The following KNL1 variants were observed in gnomAD, a reference collection of about 807,000 sequenced individuals.
KNL1 encodes the protein kinetochore scaffold 1, also known as outer kinetochore KNL1 complex subunit KNL1.
Under a neutral mutation model 201.3 loss-of-function variants are expected in KNL1, and 66 were observed. The ratio of observed to expected loss-of-function variants is 0.33; its 90% confidence interval spans 0.27 to 0.40. The LOEUF is 0.40. Among genes scored for constraint, KNL1 ranks in the 10% least tolerant of loss-of-function variants. The pLI, the probability that KNL1 is intolerant of heterozygous loss-of-function variation, is 1.00. For synonymous variants in KNL1, 895 were observed against 899.2 expected (o/e 1.00, Z 0.08); for missense variants, 2,815 against 2,690.5 (o/e 1.05, Z -1.02).
intron 13 of KNL1, among the ~76,000 whole-genome samples, chr15:40,638,974 G>T (rs977524441): frequency 6.6e-6 from 1 of 150,592 alleles, no homozygotes; most frequent in Non-Finnish European, 1.5e-5. Context: ...ACCACACCCG[G>T]CTAATTTTGT....
intron 17 of KNL1, among the ~76,000 whole-genome samples, chr15:40,647,927 G>A (rs748653064): frequency 1.6e-4 from 24 of 152,114 alleles, no homozygotes; most frequent in Non-Finnish European, 2.6e-4. Context: ...TGGGGATTTA[G>A]ATTTTATCAT....
At chr15:40,654,330 C>G (rs529389944) in intron 21 of KNL1, among the ~76,000 whole-genome samples, 9 of 152,134 alleles carry the variant, frequency 5.9e-5, no homozygotes, top group African/African-American at 2.2e-4. Context: ...ATAAAATTAT[C>G]TTTGCACAGA....
intron 25 of KNL1, among the ~76,000 whole-genome samples, 185 bp downstream of exon 25, chr15:40,659,646 C>G (rs1417129091): frequency 2.0e-5 from 3 of 151,652 alleles, no homozygotes; most frequent in East Asian, 3.9e-4. Context: ...GCGCCTGCCA[C>G]CGCACCCGGC....
rs1334391437 is a variant in KNL1, at chr15:40,647,018, A to G, written c.6038A>G (p.Asp2013Gly). 6.6e-7 allele frequency: 1 copy of G among 1,516,966 alleles called. No individual in the cohort carries two copies. Among genetic ancestry groups the G allele is most frequent in the Non-Finnish European group, 9.2e-7 (1 of 1,092,098 alleles). The allele number at this position is 1,516,966 out of a possible 1,614,324, so 94.0% of individuals were successfully genotyped here. ...AGGGAGAAACTTCAAATAAAGATAG[A>G]TGAGATGGATAAAATACTTAAGAAG... ...NEREKLQIKI[D>G]EMDKILKKID... The change falls in exon 17 of 26, where the codon GAT becomes GGT. Residue 2013 changes from aspartate (D) to glycine (G), a missense_variant. Asp to Gly is a moderately conservative substitution (Grantham distance 94). This residue lies in a region of KNL1 where 334 missense variants were observed against 362.6 expected (regional missense o/e 0.92). Transcript: ENST00000399668.
At chr15:40,654,888 C>A in intron 21 of KNL1, 21 bp from the exon 22 acceptor site, 1 of 1,598,438 alleles carries the variant, frequency 6.3e-7, no homozygotes, top group Non-Finnish European at 8.6e-7. Flanking sequence ...TTTTAAAAAT[C>A]ATTATTCTGG....
rs10706832 is a variant in KNL1 at position 40,600,075 on chromosome 15, CTTTTTTT to C, written c.-17-2828_-17-2822del. Among the ~76,000 whole-genome samples the C allele has an allele frequency of 4.3e-4, 43 of 100,164 alleles. 1 individual carries two copies. The highest frequency in any genetic ancestry group is 3.5e-3 in the Admixed American group (35 of 10,066). The allele number at this position is 100,164 out of a possible 152,430, so 65.7% of individuals were successfully genotyped here. A position where few individuals can be genotyped will look rare whatever the true frequency, so the allele number is the denominator to read the frequency against. ...TTTTGCTGATATTTATTTGGGATTCCTTTTTTTTTTTTTTTTTTGCAATGGAATCTCA... is the reference window on the plus strand; with the variant it reads ...TTTTGCTGATATTTATTTGGGATTCCTTTTTTTTTTTGCAATGGAATCTCA... On this transcript the variant is annotated intron_variant, in intron 1 of 25. Coordinates refer to ENST00000399668, the MANE Select transcript of KNL1 (RefSeq NM_144508.5).
Position 40,621,806 on chromosome 15 carries a change from C to T in KNL1, c.1542C>T (p.Pro514=), listed in dbSNP as rs760699762. The T allele has an allele frequency of 8.1e-6, 13 of 1,613,512 alleles. No individual in the cohort carries two copies. The highest frequency in any genetic ancestry group is 6.7e-5 in the African/African-American group (5 of 74,840). The part of the protein sequence containing the change: ...SNVQIAAAPT[P]EKEMMLQNLM... The stretch of plus-strand genomic sequence containing the variant: ...TGCAAATAGCAGCTGCACCAACACC[C>T]GAAAAAGAAATGATGCTCCAAAATC... Residue 514 remains proline, a synonymous_variant, in exon 10 of 26, where the codon CCC becomes CCT. Coordinates refer to ENST00000399668, the MANE Select transcript of KNL1 (RefSeq NM_144508.5).
In KNL1 at chr15:40,654,706, A is replaced by G. The variant is rs187442815; in HGVS notation, c.6416-203A>G. ...AACATGGTGAAACCCCGTGTCTACT[A>G]AAAGTACAAAAAATTAGCCAGGTGT... On this transcript the variant is annotated intron_variant, in intron 21 of 25. Transcript: ENST00000399668. 8.8e-4 allele frequency among the ~76,000 whole-genome samples: 134 copies of G among 151,996 alleles called. 1 individual carries two copies. In the East Asian group the frequency reaches 0.023, roughly 26 times the overall value.
intron 13 of KNL1, among the ~76,000 whole-genome samples, chr15:40,635,323 A>AT (rs1313834053): frequency 6.6e-6 from 1 of 151,742 alleles, no homozygotes. Context: ...AAGTGCTGGG[A>AT]TTACAGGCTT....
At chr15:40,600,887 T>C (rs974854029) in intron 1 of KNL1, among the ~76,000 whole-genome samples, 3 of 152,258 alleles carry the variant, frequency 2.0e-5, no homozygotes, top group African/African-American at 7.2e-5. Flanking sequence ...AAATACTCAC[T>C]GAGTGAAATT....
chr15:40,631,003 C>T lies in KNL1; in HGVS notation c.5682+1632C>T, dbSNP rs541932834. ...CATGGTGGCACACACCTGTAGTCCCCGCTACTCAGGAGGCTGAGGTGGGAG... is the reference window on the plus strand; with the variant it reads ...CATGGTGGCACACACCTGTAGTCCCTGCTACTCAGGAGGCTGAGGTGGGAG... On this transcript the variant is annotated intron_variant, in intron 13 of 25. Coordinates refer to ENST00000399668, the MANE Select transcript of KNL1 (RefSeq NM_144508.5). 2.6e-3 allele frequency among the ~76,000 whole-genome samples: 389 copies of T among 151,878 alleles called. 3 individuals are homozygous for T. The highest frequency in any genetic ancestry group is 8.0e-3 in the African/African-American group (333 of 41,438).
At position 40,659,927 on chromosome 15, in the gene KNL1, T is replaced by TG. The variant is rs71104714; in HGVS notation, c.6836+466_6836+467insG. 1.5e-3 allele frequency among the ~76,000 whole-genome samples: 220 copies of TG among 150,608 alleles called. 1 individual carries two copies. Among genetic ancestry groups the TG allele is most frequent in the South Asian group, 2.3e-3 (11 of 4,750 alleles). On this transcript the variant is annotated intron_variant, in intron 25 of 25. Coordinates refer to ENST00000399668, the MANE Select transcript of KNL1 (RefSeq NM_144508.5). ...GTGTGTGTGTGTGTGTGTGTGTGTGTTTGAGATGGAGTCTCACTCTGTCAC... is the reference window on the plus strand; with the variant it reads ...GTGTGTGTGTGTGTGTGTGTGTGTGTGTTGAGATGGAGTCTCACTCTGTCAC...
At chr15:40,643,823 A>T (rs1893304276) in intron 14 of KNL1, among the ~76,000 whole-genome samples, 1 of 152,220 alleles carries the variant, frequency 6.6e-6, no homozygotes, top group African/African-American at 2.4e-5. Context: ...ACTATTCTTC[A>T]AGTGAATAAT....
chr15:40,621,925 CTT>C lies in KNL1; in HGVS notation c.1663_1664del (p.Leu555ValfsTer6). ...AGAATACAGCAGAGCCTGTCAAATC[CTT>C]TGTCTATTTCATTGACTGATAGAAA... On this transcript the variant is annotated frameshift_variant, in exon 10 of 26. Transcript: ENST00000399668. LOFTEE classifies it high-confidence loss of function. 6.2e-7 allele frequency: 1 copy of C among 1,613,604 alleles called. No individual in the cohort carries two copies. Among genetic ancestry groups the C allele is most frequent in the Non-Finnish European group, 8.5e-7 (1 of 1,179,706 alleles).
In KNL1 at chr15:40,663,705, T is replaced by C. The variant is rs1893977464; in HGVS notation, c.*1517T>C. On this transcript the variant is annotated 3_prime_UTR_variant, in exon 26 of 26. Transcript: ENST00000399668. ...ACATATTATTAAATGACCAATATTA[T>C]GTATGAAGTAGACAAAAAAATTTAC... 2 of 194,414 alleles carry C rather than the reference T, an allele frequency of 1.0e-5. No homozygotes were observed. The highest frequency in any genetic ancestry group is 6.1e-5 in the Admixed American group (1 of 16,416). The allele number at this position is 194,414 out of a possible 1,614,324, so 12.0% of individuals were successfully genotyped here. A position where few individuals can be genotyped will look rare whatever the true frequency, so the allele number is the denominator to read the frequency against.
intron 22 of KNL1, among the ~76,000 whole-genome samples, chr15:40,655,416 A>C (rs1028715762): frequency 6.6e-6 from 1 of 150,800 alleles, no homozygotes; most frequent in Non-Finnish European, 1.5e-5. Context: ...ACATGATGAA[A>C]CCCATCTCTA....
chr15:40,627,940 AT>A, intron 10 of KNL1, 129 bp from the exon 11 acceptor site: 1 of 652,856 alleles, frequency 1.5e-6, no homozygotes, highest in Non-Finnish European at 2.4e-6. Flanking sequence ...ACTTATTCTA[AT>A]TCTTCACTAA....
intron 21 of KNL1, among the ~76,000 whole-genome samples, chr15:40,653,603 C>T (rs936362949): frequency 6.6e-6 from 1 of 152,150 alleles, no homozygotes; most frequent in Non-Finnish European, 1.5e-5. Context: ...TGGATCTTCT[C>T]CTCCTCCTCC....
At position 40,623,826 on chromosome 15, in the gene KNL1, A is replaced by G. The variant is rs1390745305; in HGVS notation, c.3562A>G (p.Lys1188Glu). Residue 1188 changes from lysine to glutamate, a missense_variant, in exon 10 of 26, where the codon AAA becomes GAA. Physicochemically the swap from Lys to Glu is moderately conservative, Grantham distance 56. This residue lies in a region of KNL1 where 2,464 missense variants were observed against 2,291.7 expected (regional missense o/e 1.08). Coordinates refer to ENST00000399668, the MANE Select transcript of KNL1 (RefSeq NM_144508.5). ...AGAGAAAATACTTGAAGAAAACCCT[A>G]AATTTGGAATAGGAAAAGGAAAAAA... ...ATEKILEENP[K>E]FGIGKGKNLG... 6.2e-7 allele frequency: 1 copy of G among 1,613,482 alleles called. No homozygotes were observed. Among genetic ancestry groups the G allele is most frequent in the Non-Finnish European group, 8.5e-7 (1 of 1,179,798 alleles).
Sources: gnomAD v4.1 joint callset for allele counts (sites outside exome capture counted in the v4.1 genomes callset) on GRCh38, gnomAD v4.1.1 for gene constraint, gnomAD v4.1.1 regional missense constraint, MANE v1.5 for transcripts, NCBI Gene and HGNC (gene_info 2026-07-23, HGNC 2026-07-21) for gene names.